SMOC2: variants seen among roughly 807,000 people sequenced by gnomAD.
The protein encoded by SMOC2 is SPARC-related modular calcium-binding protein 2.
Under a neutral mutation model 61.4 loss-of-function variants are expected in SMOC2, and 39 were observed. The observed-to-expected ratio is 0.64, with a 90% confidence interval of 0.49 to 0.83. The LOEUF (loss-of-function observed/expected upper bound fraction) is 0.83. Ranked by LOEUF, SMOC2 falls within the 40% of genes least tolerant of loss-of-function variation. The pLI is 0.00. For synonymous variants in SMOC2, 247 were observed against 239.9 expected, an observed-to-expected ratio of 1.03 and a Z score of -0.27; for missense variants, 556 against 592.9, an observed-to-expected ratio of 0.94 and a Z score of 0.65.
chr6:168,472,649 A>G (rs1388570961), intron 1 of SMOC2, among the ~76,000 whole-genome samples: 2 of 152,084 alleles, frequency 1.3e-5, no homozygotes, highest in Non-Finnish European at 2.9e-5. Context: ...TTAAAATGCT[A>G]TTGCTTTTGG....
chr6:168,618,780 C>T (rs1361616467), intron 9 of SMOC2, among the ~76,000 whole-genome samples: 2 of 152,114 alleles, frequency 1.3e-5, no homozygotes, highest in East Asian at 3.9e-4. Flanking sequence ...GGGAAGGTGA[C>T]ATCGTCTCCT....
At chr6:168,629,624 C>T (rs939392550) in intron 9 of SMOC2, among the ~76,000 whole-genome samples, 23 of 152,228 alleles carry the variant, frequency 1.5e-4, no homozygotes, top group African/African-American at 5.3e-4. Context: ...TGTTTAAAAA[C>T]ACCCTCCTCA....
chr6:168,657,295 A>G (rs1787348287), intron 11 of SMOC2, among the ~76,000 whole-genome samples: 1 of 152,236 alleles, frequency 6.6e-6, no homozygotes, highest in Non-Finnish European at 1.5e-5. Flanking sequence ...CAGGCACTGC[A>G]GTCATCAGCA....
chr6:168,550,206 G>T (rs564201517), intron 7 of SMOC2, among the ~76,000 whole-genome samples: 5 of 152,190 alleles, frequency 3.3e-5, no homozygotes, highest in Non-Finnish European at 7.3e-5. Context: ...AGCTGCTGAG[G>T]AAATACGGAG....
rs993502750 is a variant in SMOC2 at position 168,518,709 on chromosome 6, A to G, written c.257-7637A>G. Among the ~76,000 whole-genome samples the G allele has an allele frequency of 1.3e-4, 18 of 141,176 alleles. No individual in the cohort carries two copies. The South Asian group carries it at 3.0e-3, about 24-fold the overall frequency. 92.6% of individuals were successfully genotyped at this position (141,176 alleles called of 152,430 possible). The stretch of plus-strand genomic sequence containing the variant: ...GAATGTGTATGAGCGTGCATGTGTG[A>G]GTGTTATGCTTATGTGAGTGTGCAT... On this transcript the variant is annotated intron_variant, in intron 2 of 12. Transcript: ENST00000356284.
chr6:168,597,866 GCA>G (rs1437170525), intron 7 of SMOC2, among the ~76,000 whole-genome samples: 4 of 152,204 alleles, frequency 2.6e-5, no homozygotes, highest in African/African-American at 9.7e-5. Context: ...GCGGTTGCCA[GCA>G]CGCACTTATT....
chr6:168,497,397 C>CT (rs1474621958), intron 1 of SMOC2, among the ~76,000 whole-genome samples: 1 of 152,246 alleles, frequency 6.6e-6, no homozygotes, highest in Non-Finnish European at 1.5e-5. Flanking sequence ...GGATCCAGCT[C>CT]TTTTTATTAC....
At position 168,585,645 on chromosome 6, in the gene SMOC2, C is replaced by G. The variant is rs78623235; in HGVS notation, c.638-13173C>G. 1.5e-3 allele frequency among the ~76,000 whole-genome samples: 227 copies of G among 152,346 alleles called. 14 individuals are homozygous for G. The East Asian group carries it at 0.034, about 23-fold the overall frequency. ...GAGGAATGTCCGAGGCCTCCCACTG[C>G]TCCTCAGCTCAGCTGGCCTGTGGGG... On this transcript the variant is annotated intron_variant, in intron 7 of 12. Transcript: ENST00000356284.
chr6:168,600,680 AG>A (rs1387888885), intron 8 of SMOC2, among the ~76,000 whole-genome samples: 1 of 152,248 alleles, frequency 6.6e-6, no homozygotes, highest in African/African-American at 2.4e-5. Context: ...GTTTTGGGAA[AG>A]GGAGCTCAGC....
chr6:168,489,190 A>T (rs1317111871), intron 1 of SMOC2, among the ~76,000 whole-genome samples: 1 of 149,174 alleles, frequency 6.7e-6, no homozygotes, highest in East Asian at 2.0e-4. Flanking sequence ...CTTGCATCAC[A>T]CTGTTTTAGA....
intron 4 of SMOC2, among the ~76,000 whole-genome samples, chr6:168,533,616 T>G (rs965266264): frequency 6.6e-6 from 1 of 152,190 alleles, no homozygotes; most frequent in Non-Finnish European, 1.5e-5. Context: ...TAGAAATCAT[T>G]CAGGGCCAGT....
chr6:168,578,274 G>T lies in SMOC2; in HGVS notation c.638-20544G>T, dbSNP rs543940844. On this transcript the variant is annotated intron_variant, in intron 7 of 12. Transcript: ENST00000356284. ...TGCGAGCTGAAAGTCTAAGGAGGTAGCTCATGGAAAGTGACTGGCATCGTG... is the reference window on the plus strand; with the variant it reads ...TGCGAGCTGAAAGTCTAAGGAGGTATCTCATGGAAAGTGACTGGCATCGTG... Among the ~76,000 whole-genome samples, 39 of 152,342 alleles carry T rather than the reference G, an allele frequency of 2.6e-4. No homozygotes were observed. In the East Asian group the frequency reaches 5.0e-3, roughly 20 times the overall value.
intron 9 of SMOC2, among the ~76,000 whole-genome samples, chr6:168,613,654 ATG>A (rs565314313): frequency 1.4e-4 from 18 of 131,850 alleles, no homozygotes; most frequent in Middle Eastern, 4.5e-3. Flanking sequence ...CAGCCAGCAC[ATG>A]GAGCCTCTTC....
intron 11 of SMOC2, among the ~76,000 whole-genome samples, chr6:168,656,244 C>T (rs899512431): frequency 1.3e-5 from 2 of 152,126 alleles, no homozygotes; most frequent in African/African-American, 2.4e-5. Context: ...GTCACGGTGG[C>T]TCACACCTGT....
intron 9 of SMOC2, among the ~76,000 whole-genome samples, chr6:168,647,459 A>C (rs1370227460): frequency 6.6e-6 from 1 of 152,218 alleles, no homozygotes; most frequent in Non-Finnish European, 1.5e-5. Flanking sequence ...GAGGAGTTAC[A>C]GCAAGGGTTG....
Position 168,453,305 on chromosome 6 carries a change from G to A in SMOC2, c.84+11851G>A, listed in dbSNP as rs920471341. On this transcript the variant is annotated intron_variant, in intron 1 of 12. Coordinates refer to ENST00000356284, the MANE Select transcript of SMOC2 (RefSeq NM_001166412.2). The surrounding 1 kb of genome is among the most constrained non-coding windows in gnomAD (Gnocchi z 4.4). ...TGGCCTCAAGGCTCCGTCACCCTGC[G>A]GCCCTGTCATTTCGGGCTGTGCCTT... Among the ~76,000 whole-genome samples, 1 of 152,180 alleles carries A rather than the reference G, an allele frequency of 6.6e-6. No individual in the cohort carries two copies. The highest frequency in any genetic ancestry group is 2.4e-5 in the African/African-American group (1 of 41,438).
chr6:168,441,540 G>A (rs1233694701), intron 1 of SMOC2, 86 bp downstream of exon 1: 8 of 1,370,774 alleles, frequency 5.8e-6, no homozygotes, highest in Non-Finnish European at 5.6e-6. Flanking sequence ...CCCGCTCCAG[G>A]CCCAGGCGCC....
chr6:168,538,425 G>A (rs1363392873), intron 4 of SMOC2, among the ~76,000 whole-genome samples: 28 of 82,250 alleles, frequency 3.4e-4, no homozygotes, highest in Non-Finnish European at 4.0e-4. Flanking sequence ...TGGGGTGACC[G>A]CTGCTGGAAT....
intron 7 of SMOC2, among the ~76,000 whole-genome samples, chr6:168,559,937 C>A (rs1562347644): frequency 6.6e-6 from 1 of 152,196 alleles, no homozygotes; most frequent in Non-Finnish European, 1.5e-5. Flanking sequence ...ACTATAGTTA[C>A]AATCAAGGCA....
Sources: gnomAD v4.1 joint callset for allele counts (sites outside exome capture counted in the v4.1 genomes callset) on GRCh38, gnomAD v4.1.1 for gene constraint, Gnocchi (gnomAD v3.1) non-coding constraint, MANE v1.5 for transcripts, NCBI Gene and HGNC (gene_info 2026-07-23, HGNC 2026-07-21) for gene names.